CORIN: variants seen among roughly 807,000 people sequenced by gnomAD.
CORIN encodes the protein atrial natriuretic peptide-converting enzyme.
CORIN carries 117 observed loss-of-function variants against 125.3 expected under a neutral mutation model. The ratio of observed to expected loss-of-function variants is 0.93; its 90% CI spans 0.80 to 1.09. The LOEUF is 1.09. Among genes scored for constraint, CORIN ranks in the 50% least tolerant of loss-of-function variants. CORIN has a pLI of 0.00. For synonymous variants in CORIN, 450 were observed against 466.4 expected, an observed-to-expected ratio of 0.96 and a Z score of 0.45; for missense variants, 1,253 against 1,306.7, an observed-to-expected ratio of 0.96 and a Z score of 0.63.
At chr4:47,695,204 T>A (rs1421891266) in intron 5 of CORIN, among the ~76,000 whole-genome samples, 1 of 152,188 alleles carries the variant, frequency 6.6e-6, no homozygotes, top group Non-Finnish European at 1.5e-5. Context: ...ATTTTACCTA[T>A]CCAGTCTGTA....
chr4:47,773,118 T>C (rs1284830640), intron 3 of CORIN, among the ~76,000 whole-genome samples: 2 of 152,116 alleles, frequency 1.3e-5, no homozygotes, highest in African/African-American at 4.8e-5. Context: ...AGAATGTTTT[T>C]AAAAAAAGAA....
intron 4 of CORIN, among the ~76,000 whole-genome samples, chr4:47,747,366 A>G (rs1163171929): frequency 6.6e-6 from 1 of 152,170 alleles, no homozygotes; most frequent in Non-Finnish European, 1.5e-5. Context: ...AATTCCAGAT[A>G]CCATTTAAAG....
At chr4:47,757,878 G>GTATGTATATA (rs1553916061) in intron 4 of CORIN, among the ~76,000 whole-genome samples, 2 of 123,914 alleles carry the variant, frequency 1.6e-5, no homozygotes, top group African/African-American at 3.3e-5. Flanking sequence ...ATATATATAT[G>GTATGTATATA]TATATATATA....
intron 16 of CORIN, among the ~76,000 whole-genome samples, chr4:47,630,639 A>T (rs1275175834): frequency 6.6e-6 from 1 of 152,198 alleles, no homozygotes; most frequent in South Asian, 2.1e-4. Flanking sequence ...CCATTTGTCT[A>T]CATATTTAGA....
intron 4 of CORIN, 118 bp from the exon 5 acceptor site, chr4:47,744,701 T>A: frequency 1.1e-6 from 1 of 940,334 alleles, no homozygotes; most frequent in Non-Finnish European, 1.5e-6. Context: ...ATACTTACTA[T>A]AGTCAGCAAC....
intron 19 of CORIN, among the ~76,000 whole-genome samples, chr4:47,608,290 A>C (rs1342622819): frequency 2.0e-5 from 3 of 152,210 alleles, no homozygotes. Context: ...ATTGCACTCC[A>C]GCCTGGGTGA....
rs146307961 is a variant in CORIN at position 47,793,923 on chromosome 4, C to T, written c.209-6998G>A. ...ACTTCCAAGTGATGCTGATGCTGCTCGTCCATGGGCCACACTTGAGAACAA... is the reference window on the plus strand; with the variant it reads ...ACTTCCAAGTGATGCTGATGCTGCTTGTCCATGGGCCACACTTGAGAACAA... On this transcript the variant is annotated intron_variant, in intron 2 of 21. Transcript: ENST00000273857. Among the ~76,000 whole-genome samples, 24 of 152,216 alleles carry T rather than the reference C, an allele frequency of 1.6e-4. No homozygotes were observed. The South Asian group carries it at 2.5e-3, about 16-fold the overall frequency.
intron 4 of CORIN, among the ~76,000 whole-genome samples, chr4:47,757,556 C>G (rs1313395408): frequency 6.6e-6 from 1 of 152,000 alleles, no homozygotes; most frequent in Non-Finnish European, 1.5e-5. Flanking sequence ...GATCACACTA[C>G]TACACTCCAG....
intron 2 of CORIN, among the ~76,000 whole-genome samples, chr4:47,790,838 CG>C (rs1412689878): frequency 1.3e-5 from 2 of 151,946 alleles, no homozygotes; most frequent in African/African-American, 4.8e-5. Flanking sequence ...ATGGCTTTTT[CG>C]TGCTAAATTA....
chr4:47,698,500 C>G (rs576001153), intron 5 of CORIN, among the ~76,000 whole-genome samples: 1 of 151,906 alleles, frequency 6.6e-6, no homozygotes, highest in Non-Finnish European at 1.5e-5. Context: ...TGAGGCCAAG[C>G]AGAAGGGAGG....
At chr4:47,819,626 A>C (rs1286666874) in intron 1 of CORIN, among the ~76,000 whole-genome samples, 2 of 152,208 alleles carry the variant, frequency 1.3e-5, no homozygotes, top group East Asian at 3.9e-4. Flanking sequence ...AATGGGAAGG[A>C]TAACGGGAGA....
intron 3 of CORIN, among the ~76,000 whole-genome samples, chr4:47,776,217 G>T (rs1282511890): frequency 6.6e-6 from 1 of 151,842 alleles, no homozygotes; most frequent in Non-Finnish European, 1.5e-5. Context: ...GTTTTGCCAT[G>T]TTGCCCAGGC....
chr4:47,741,136 G>A (rs2109832015), intron 5 of CORIN, among the ~76,000 whole-genome samples: 1 of 152,030 alleles, frequency 6.6e-6, no homozygotes, highest in Middle Eastern at 3.4e-3. Flanking sequence ...TTGTTAAAAT[G>A]AAAACAGCCC....
rs1026111819 is a variant in CORIN, at chr4:47,640,043, C to T, written c.2198+1877G>A. On this transcript the variant is annotated intron_variant, in intron 16 of 21. Transcript: ENST00000273857. The stretch of plus-strand genomic sequence containing the variant: ...AATAATGGATATGGGTTTCCAACCA[C>T]ACCTCTATCTCAGATTTTCCTAGTC... Among the ~76,000 whole-genome samples, 15 of 152,172 alleles carry T rather than the reference C, an allele frequency of 9.9e-5. 1 individual carries two copies. Among genetic ancestry groups the T allele is most frequent in the Admixed American group, 8.5e-4 (13 of 15,262 alleles).
In CORIN at chr4:47,714,243, A is replaced by G. The variant is rs529021812; in HGVS notation, c.800-21160T>C. ...GTAGACAAACTTTAGTATTATTTTTATATCTTTGAATATGTATGGACATTT... is the reference window on the plus strand; with the variant it reads ...GTAGACAAACTTTAGTATTATTTTTGTATCTTTGAATATGTATGGACATTT... On this transcript the variant is annotated intron_variant, in intron 5 of 21. Transcript: ENST00000273857. 3.9e-5 allele frequency among the ~76,000 whole-genome samples: 6 copies of G among 152,350 alleles called. 1 individual carries two copies. Among genetic ancestry groups the G allele is most frequent in the South Asian group, 4.1e-4 (2 of 4,826 alleles).
chr4:47,828,009 C>G (rs1732815670), intron 1 of CORIN, among the ~76,000 whole-genome samples: 1 of 152,194 alleles, frequency 6.6e-6, no homozygotes, highest in African/African-American at 2.4e-5. Context: ...TCTGATCAGT[C>G]TTTTGGGGTT....
At chr4:47,749,169 C>A (rs1728789861) in intron 4 of CORIN, among the ~76,000 whole-genome samples, 1 of 151,976 alleles carries the variant, frequency 6.6e-6, no homozygotes, top group African/African-American at 2.4e-5. Context: ...AGATGGCCCG[C>A]AATGATCTCT....
intron 4 of CORIN, 118 bp downstream of exon 4, chr4:47,763,261 G>A: frequency 1.4e-6 from 1 of 707,524 alleles, no homozygotes; most frequent in Non-Finnish European, 2.4e-6. Flanking sequence ...AACTAGCCAT[G>A]ACTAATGTGG....
Position 47,642,023 on chromosome 4 carries a change from A to T in CORIN, c.2095T>A (p.Ser699Thr). 6.2e-7 allele frequency: 1 copy of T among 1,613,402 alleles called. No individual in the cohort carries two copies. Among genetic ancestry groups the T allele is most frequent in the Non-Finnish European group, 8.5e-7 (1 of 1,179,520 alleles). ...CVTLSINVNS[S>T]SFLMVHRAAT... ...GCTCTGTGAACCATCAGAAAGGAAG[A>T]GGAGTTCACATTTATAGAGAGGGTC... is the stretch of plus-strand genomic sequence containing the variant. Residue 699 changes from serine (S) to threonine (T), a missense_variant, in exon 16 of 22, where the codon TCT (serine) becomes ACT (threonine). Transcript: ENST00000273857.
Sources: gnomAD v4.1 joint callset for allele counts (sites outside exome capture counted in the v4.1 genomes callset) on GRCh38, gnomAD v4.1.1 for gene constraint, MANE v1.5 for transcripts, NCBI Gene and HGNC (gene_info 2026-07-23, HGNC 2026-07-21) for gene names.